RAB6A: variants seen among roughly 807,000 people sequenced by gnomAD.
RAB6A encodes RAB6A, member RAS oncogene family, also known as ras-related protein Rab-6A.
A neutral mutation model predicts 32.3 loss-of-function variants in RAB6A; 8 were observed. That is an observed-to-expected ratio of 0.25 (90% CI 0.15 to 0.45). The LOEUF (loss-of-function observed/expected upper bound fraction) is 0.45. Among genes scored for constraint, RAB6A ranks in the 20% least tolerant of loss-of-function variants. The pLI, the probability that RAB6A is intolerant of heterozygous loss-of-function variation, is 1.00. For missense variants in RAB6A, 104 were observed against 249.4 expected (o/e 0.42, Z 3.93); for synonymous variants, 73 against 82.1 (o/e 0.89, Z 0.60).
chr11:73,741,205 C>T lies in RAB6A; in HGVS notation c.71-10382G>A, dbSNP rs554280873. The stretch of plus-strand genomic sequence containing the variant: ...AGGCTGGAATGCGGTGGCGCAATCT[C>T]GGCTCACTGCAAGCTCCACCTCCCG... On this transcript the variant is annotated intron_variant, in intron 1 of 7. Coordinates refer to ENST00000336083, the MANE Select transcript of RAB6A (RefSeq NM_198896.2). Among the ~76,000 whole-genome samples the T allele has an allele frequency of 7.9e-5, 12 of 151,884 alleles. No individual in the cohort carries two copies. The South Asian group carries it at 1.9e-3, about 24-fold the overall frequency.
chr11:73,718,899 T>TG, intron 3 of RAB6A, 181 bp from the exon 4 acceptor site: 1 of 1,559,048 alleles, frequency 6.4e-7, no homozygotes, highest in Non-Finnish European at 8.6e-7. Context: ...ATCTGTGAGA[T>TG]GGGAAAAAAT....
intron 2 of RAB6A, among the ~76,000 whole-genome samples, chr11:73,726,681 T>C (rs1946228896): frequency 7.5e-6 from 1 of 132,478 alleles, no homozygotes; most frequent in Non-Finnish European, 1.6e-5. Flanking sequence ...CCTGGGGGGA[T>C]GGAGGCTGCA....
intron 3 of RAB6A, among the ~76,000 whole-genome samples, chr11:73,719,087 T>C (rs1946096031): frequency 6.6e-6 from 1 of 152,134 alleles, no homozygotes; most frequent in South Asian, 2.1e-4. Flanking sequence ...AAAATTTGCA[T>C]ACTCCAAACA....
chr11:73,732,711 G>A (rs1946335246), intron 1 of RAB6A, among the ~76,000 whole-genome samples: 1 of 152,162 alleles, frequency 6.6e-6, no homozygotes, highest in South Asian at 2.1e-4. Context: ...AGTGAGCTGA[G>A]AGTGCACCAC....
At position 73,703,187 on chromosome 11, in the gene RAB6A, T is replaced by C. The variant is rs529644946; in HGVS notation, c.495+4233A>G. Among the ~76,000 whole-genome samples the C allele has an allele frequency of 1.6e-4, 25 of 152,180 alleles. No homozygotes were observed. The South Asian group carries it at 5.2e-3, about 32-fold the overall frequency. ...CAGGTGAATGCAAAGAAACGGAAGA[T>C]GAACATGTATCTATGTCTAAGGTGT... On this transcript the variant is annotated intron_variant, in intron 6 of 7. Coordinates refer to ENST00000336083, the MANE Select transcript of RAB6A (RefSeq NM_198896.2).
rs551609235 is a variant in RAB6A at position 73,701,508 on chromosome 11, T to G, written c.495+5912A>C. On this transcript the variant is annotated intron_variant, in intron 6 of 7. Coordinates refer to ENST00000336083, the MANE Select transcript of RAB6A (RefSeq NM_198896.2). ...TTCACGATAATCAGTTTTATTTCCT[T>G]TATCAGATATTTTAATTTTTACCCC... Among the ~76,000 whole-genome samples, 6 of 152,314 alleles carry G rather than the reference T, an allele frequency of 3.9e-5. No homozygotes were observed. The South Asian group carries it at 1.2e-3, about 32-fold the overall frequency.
chr11:73,715,391 T>A lies in RAB6A; in HGVS notation c.401+860A>T, dbSNP rs539671943. Among the ~76,000 whole-genome samples the A allele has an allele frequency of 1.5e-4, 23 of 152,330 alleles. No individual in the cohort carries two copies. The East Asian group carries it at 4.4e-3, about 29-fold the overall frequency. ...CACCGTCCTTGGCCTCCCAAAGTGC[T>A]GGGATTACAGTTGTGAGCCACCGCA... On this transcript the variant is annotated intron_variant, in intron 5 of 7. Transcript: ENST00000336083.
chr11:73,707,465 A>G lies in RAB6A; in HGVS notation c.450T>C (p.Val150=), dbSNP rs140048506. The G allele has an allele frequency of 1.5e-5, 25 of 1,613,924 alleles. No homozygotes were observed. Among genetic ancestry groups the G allele is most frequent in the African/African-American group, 1.2e-4 (9 of 75,036 alleles). ...EGERKAKELN[V]MFIETSAKAG... ...CTTTTGCACTAGTTTCAATAAACATAACATTCAGCTCTTTGGCTTTCCTCT... is the reference window on the plus strand; with the variant it reads ...CTTTTGCACTAGTTTCAATAAACATGACATTCAGCTCTTTGGCTTTCCTCT... The change falls in exon 6 of 8, where the codon GTT becomes GTC. Residue 150 remains valine, a synonymous_variant. Transcript: ENST00000336083.
intron 6 of RAB6A, among the ~76,000 whole-genome samples, chr11:73,682,341 G>A (rs1170808998): frequency 6.6e-6 from 1 of 152,072 alleles, no homozygotes; most frequent in East Asian, 1.9e-4. Flanking sequence ...AACAATTAAT[G>A]ACTGTGAAAG....
chr11:73,688,854 C>T (rs1029773973), intron 6 of RAB6A, among the ~76,000 whole-genome samples: 8 of 152,144 alleles, frequency 5.3e-5, no homozygotes, highest in Non-Finnish European at 1.2e-4. Flanking sequence ...CACTTGCCAC[C>T]AGGCAGTGGC....
At chr11:73,738,194 G>A (rs1664063895) in intron 1 of RAB6A, among the ~76,000 whole-genome samples, 1 of 151,806 alleles carries the variant, frequency 6.6e-6, no homozygotes, top group African/African-American at 2.4e-5. Context: ...TTTTAATAGA[G>A]ACAAGGTCTC....
At chr11:73,684,815 T>A (rs1386916508) in intron 6 of RAB6A, among the ~76,000 whole-genome samples, 1 of 152,214 alleles carries the variant, frequency 6.6e-6, no homozygotes, top group Admixed American at 6.5e-5. Flanking sequence ...TACTTAAGAA[T>A]GCTTATGTAG....
At chr11:73,709,799 C>T (rs1036851093) in intron 5 of RAB6A, among the ~76,000 whole-genome samples, 2 of 146,950 alleles carry the variant, frequency 1.4e-5, no homozygotes, top group Admixed American at 6.9e-5. Flanking sequence ...TTTTCAAATG[C>T]TAAAAAATGT....
In RAB6A at chr11:73,677,879, T is replaced by G. The variant is rs1292372000; in HGVS notation, c.*19A>C. On this transcript the variant is annotated 3_prime_UTR_variant, in exon 8 of 8. Coordinates refer to ENST00000336083, the MANE Select transcript of RAB6A (RefSeq NM_198896.2). ...CAAAGCAGTGAGCTTCTGAAGAAGGTTGAAGATGACATGGGAGATTAGCAG... is the reference window on the plus strand; with the variant it reads ...CAAAGCAGTGAGCTTCTGAAGAAGGGTGAAGATGACATGGGAGATTAGCAG... The G allele has an allele frequency of 6.2e-7, 1 of 1,613,984 alleles. No individual in the cohort carries two copies. Among genetic ancestry groups the G allele is most frequent in the Admixed American group, 1.7e-5 (1 of 60,000 alleles).
At chr11:73,725,582 C>T (rs190228987) in intron 2 of RAB6A, among the ~76,000 whole-genome samples, 8 of 152,122 alleles carry the variant, frequency 5.3e-5, no homozygotes, top group East Asian at 1.9e-4. Flanking sequence ...CAGAAGCAAG[C>T]GAAAAGGGTT....
chr11:73,700,653 A>G (rs909968414), intron 6 of RAB6A, among the ~76,000 whole-genome samples: 21 of 142,854 alleles, frequency 1.5e-4, no homozygotes, highest in Non-Finnish European at 2.9e-4. Context: ...AAATCTAAGG[A>G]GTAAAACTAT....
intron 6 of RAB6A, among the ~76,000 whole-genome samples, chr11:73,683,298 C>G (rs1945389679): frequency 7.2e-6 from 1 of 138,186 alleles, no homozygotes; most frequent in South Asian, 2.3e-4. Context: ...CTCTGTCACC[C>G]AAGCTGGAGT....
At chr11:73,685,528 C>T (rs1490003252) in intron 6 of RAB6A, among the ~76,000 whole-genome samples, 1 of 138,502 alleles carries the variant, frequency 7.2e-6, no homozygotes, top group Non-Finnish European at 1.5e-5. Flanking sequence ...AGCTCATGAT[C>T]CGCCTGCCTC....
chr11:73,721,047 A>G, intron 2 of RAB6A, 148 bp from the exon 3 acceptor site: 1 of 662,968 alleles, frequency 1.5e-6, no homozygotes, highest in Non-Finnish European at 2.6e-6. Context: ...AGGACAAACA[A>G]AATTTCCAGT....
Sources: gnomAD v4.1 joint callset for allele counts (sites outside exome capture counted in the v4.1 genomes callset) on GRCh38, gnomAD v4.1.1 for gene constraint, MANE v1.5 for transcripts, NCBI Gene and HGNC (gene_info 2026-07-23, HGNC 2026-07-21) for gene names.